TET3: variants seen among roughly 807,000 people sequenced by gnomAD.
TET3 encodes the protein tet methylcytosine dioxygenase 3.
TET3 carries 19 observed loss-of-function variants against 141.4 expected under a neutral mutation model. The ratio of observed to expected loss-of-function variants is 0.13; its 90% confidence interval spans 0.09 to 0.20. The LOEUF is 0.20. Ranked by LOEUF, TET3 falls within the 10% of genes least tolerant of loss-of-function variation. The pLI, the probability that TET3 is intolerant of heterozygous loss-of-function variation, is 1.00. For synonymous variants in TET3, 1,043 were observed against 980.9 expected, an observed-to-expected ratio of 1.06 and a Z score of -1.18; for missense variants, 1,874 against 2,356.9, an observed-to-expected ratio of 0.80 and a Z score of 4.24.
At chr2:74,011,805 A>G (rs182727289) in intron 3 of TET3, among the ~76,000 whole-genome samples, 37 of 152,016 alleles carry the variant, frequency 2.4e-4, no homozygotes, top group African/African-American at 8.7e-4. Context: ...TGGGAGGCCA[A>G]AGTGGGAGGA....
chr2:74,003,044 G>C (rs1225809679), intron 2 of TET3, 66 bp from the exon 3 acceptor site: 2 of 1,526,500 alleles, frequency 1.3e-6, no homozygotes, highest in African/African-American at 1.4e-5. Flanking sequence ...GGGGGCTGTA[G>C]CAGGAGGACT....
downstream of TET3, among the ~76,000 whole-genome samples, chr2:74,111,002 AC>A (rs970778768): frequency 5.5e-4 from 83 of 151,930 alleles, no homozygotes; most frequent in Non-Finnish European, 6.2e-4. Context: ...GGTCCATACC[AC>A]TCACTCACCT....
intron 3 of TET3, among the ~76,000 whole-genome samples, chr2:74,007,209 C>T (rs1307723023): frequency 6.6e-6 from 1 of 152,190 alleles, no homozygotes; most frequent in Non-Finnish European, 1.5e-5. Flanking sequence ...TTGACTTCAG[C>T]GTTGTGTTTG....
At chr2:74,123,874 C>T in the TET3 span, among the ~76,000 whole-genome samples, 7 of 149,776 alleles carry the variant, frequency 4.7e-5, no homozygotes, top group Non-Finnish European at 1.0e-4. Flanking sequence ...CCCCGCCGCC[C>T]CGTCTGGGAT....
chr2:74,124,928 T>TA, the TET3 span, among the ~76,000 whole-genome samples: 6,962 of 55,144 alleles, frequency 0.13, 512 homozygotes, highest in African/African-American at 0.31. Flanking sequence ...CAATAAATAC[T>TA]AAAAAAAAAA....
rs1049602800 is a variant in TET3 at position 74,002,806 on chromosome 2, A to G, written c.304-304A>G. 1.1e-4 allele frequency: 62 copies of G among 570,472 alleles called. No homozygotes were observed. The highest frequency in any genetic ancestry group is 1.6e-4 in the Non-Finnish European group (50 of 321,966). 35.3% of individuals were successfully genotyped at this position (570,472 alleles called of 1,614,324 possible). On this transcript the variant is annotated intron_variant, in intron 2 of 11. Coordinates refer to ENST00000409262, the MANE Select transcript of TET3 (RefSeq NM_001287491.2). ...CACCAGAGGAGGCCGGCCGAGGTAG[A>G]GCGCGCGGGGCCGGGGATGGCCGGG...
intron 3 of TET3, among the ~76,000 whole-genome samples, chr2:74,044,438 G>A (rs1171012737): frequency 1.3e-5 from 2 of 152,090 alleles, no homozygotes; most frequent in African/African-American, 4.8e-5. Context: ...TTGAGTACAT[G>A]ATGTTCCTCA....
intron 3 of TET3, among the ~76,000 whole-genome samples, chr2:74,025,242 G>T (rs1686273539): frequency 6.9e-6 from 1 of 144,878 alleles, no homozygotes; most frequent in Non-Finnish European, 1.5e-5. Context: ...AAAAAAAAAA[G>T]TAAGTAGCAA....
intron 3 of TET3, among the ~76,000 whole-genome samples, chr2:74,004,618 G>A (rs1685056716): frequency 6.6e-6 from 1 of 152,202 alleles, no homozygotes; most frequent in Non-Finnish European, 1.5e-5. Context: ...TAGCGGGTGT[G>A]CTTTAGTGAG....
chr2:73,995,183 C>T (rs1191353721), intron 2 of TET3, among the ~76,000 whole-genome samples: 1 of 152,226 alleles, frequency 6.6e-6, no homozygotes, highest in Non-Finnish European at 1.5e-5. Context: ...TGATCTTGAA[C>T]TCCTGACCTC....
At chr2:74,127,962 A>G in the TET3 span, among the ~76,000 whole-genome samples, 1 of 152,236 alleles carries the variant, frequency 6.6e-6, no homozygotes, top group African/African-American at 2.4e-5. Context: ...TTCCATTTCT[A>G]GTCAAAATAT....
chr2:74,006,451 G>C (rs1272379126), intron 3 of TET3, among the ~76,000 whole-genome samples: 2 of 152,240 alleles, frequency 1.3e-5, no homozygotes, highest in African/African-American at 4.8e-5. Context: ...ATACACATGA[G>C]TGAGCTGAAG....
rs1691216638 is a variant in TET3 at position 74,101,541 on chromosome 2, C to A, written c.4753C>A (p.Pro1585Thr). The stretch of plus-strand genomic sequence containing the variant: ...CAGGGCCTGGCAGTCCTTTGGTCTG[C>A]CCCTGGGATCCAGCGAGAAGCTGTT... ...LDRAWQSFGL[P>T]LGSSEKLFGA... Residue 1585 changes from proline (P) to threonine (T), a missense_variant, in exon 12 of 12, where the codon CCC becomes ACC. Pro to Thr is a conservative substitution (Grantham distance 38). This residue lies in a region of TET3 where 602 missense variants were observed against 590.2 expected (regional missense o/e 1.02). Coordinates refer to ENST00000409262, the MANE Select transcript of TET3 (RefSeq NM_001287491.2). This position sits in a 1 kb window ranked among gnomAD's most constrained non-coding sequence, Gnocchi z 8.5. The A allele has an allele frequency of 6.2e-7, 1 of 1,609,972 alleles. No individual in the cohort carries two copies. Among genetic ancestry groups the A allele is most frequent in the Admixed American group, 1.7e-5 (1 of 59,162 alleles).
chr2:74,005,902 G>T (rs571995551), intron 3 of TET3, among the ~76,000 whole-genome samples: 1 of 152,248 alleles, frequency 6.6e-6, no homozygotes, highest in East Asian at 1.9e-4. Flanking sequence ...CCACCTCCTC[G>T]TTGGCAGCCT....
intron 6 of TET3, among the ~76,000 whole-genome samples, chr2:74,080,888 A>ATCCTG (rs1249878586): frequency 2.6e-5 from 4 of 152,146 alleles, no homozygotes; most frequent in Non-Finnish European, 5.9e-5. Context: ...CACTCGGCTC[A>ATCCTG]TCCTGTCCCC....
chr2:74,065,788 G>A (rs928379772), intron 4 of TET3, among the ~76,000 whole-genome samples: 32 of 143,642 alleles, frequency 2.2e-4, no homozygotes, highest in Non-Finnish European at 6.0e-5. Flanking sequence ...TAGACAGAGC[G>A]AGGCTCTGTC....
intron 2 of TET3, among the ~76,000 whole-genome samples, chr2:73,995,938 A>G (rs1684571734): frequency 6.6e-6 from 1 of 152,188 alleles, no homozygotes; most frequent in South Asian, 2.1e-4. Context: ...GCCATGCTTT[A>G]CTTGTCGCTA....
At chr2:74,127,152 C>G in the TET3 span, among the ~76,000 whole-genome samples, 1 of 152,166 alleles carries the variant, frequency 6.6e-6, no homozygotes, top group Non-Finnish European at 1.5e-5. Context: ...CTCATAAACT[C>G]AAATGAGGGG....
At chr2:74,003,598 C>T (rs1573660999) in intron 3 of TET3, among the ~76,000 whole-genome samples, 3 of 150,268 alleles carry the variant, frequency 2.0e-5, no homozygotes, top group Non-Finnish European at 3.0e-5. Flanking sequence ...GAGAATTGCG[C>T]TCCTGAGTCT....
Sources: allele counts gnomAD v4.1 joint callset (sites outside exome capture counted in the v4.1 genomes callset), GRCh38; gene constraint gnomAD v4.1.1; regional missense constraint gnomAD v4.1.1; non-coding constraint Gnocchi (gnomAD v3.1); transcripts MANE v1.5; gene names NCBI Gene and HGNC (gene_info 2026-07-23, HGNC 2026-07-21).